Variants in MICAL2 observed in about 807,000 individuals in gnomAD.
MICAL2 encodes microtubule associated monooxygenase, calponin and LIM domain containing 2.
MICAL2 carries 77 observed loss-of-function variants against 127.3 expected under a neutral mutation model. The observed-to-expected ratio is 0.60, with a 90% CI of 0.50 to 0.73. The LOEUF is 0.73. MICAL2 is among the 30% of genes least tolerant of loss of function. The pLI, the probability that MICAL2 is intolerant of heterozygous loss-of-function variation, is 0.00. For missense variants in MICAL2, 1,351 were observed against 1,434.4 expected, an observed-to-expected ratio of 0.94 and a Z score of 0.94; for synonymous variants, 570 against 551.1, an observed-to-expected ratio of 1.03 and a Z score of -0.48.
chr11:12,207,643 G>A (rs1854879814), intron 4 of MICAL2: 2 of 168,178 alleles, frequency 1.2e-5, no homozygotes, highest in South Asian at 3.3e-4. Context: ...CAAACCCAGA[G>A]CCCAGCTGGG....
downstream of MICAL2, among the ~76,000 whole-genome samples, chr11:12,361,021 A>G (rs951899409): frequency 1.3e-5 from 2 of 152,186 alleles, no homozygotes; most frequent in African/African-American, 2.4e-5. Context: ...GTTTCTTTGT[A>G]TGCAATATGA....
chr11:12,321,658 T>C (rs2134842498), intron 30 of MICAL2, among the ~76,000 whole-genome samples: 1 of 152,324 alleles, frequency 6.6e-6, no homozygotes, highest in South Asian at 2.1e-4. Context: ...GCTGTGTGTT[T>C]ATTAATGAAG....
chr11:12,157,866 GTA>G (rs1400375950), intron 2 of MICAL2, among the ~76,000 whole-genome samples: 1 of 152,084 alleles, frequency 6.6e-6, no homozygotes, highest in East Asian at 1.9e-4. Context: ...CCTGAATTCT[GTA>G]TGTTTTCAGT....
At chr11:12,323,132 A>C (rs1470917192) in intron 30 of MICAL2, among the ~76,000 whole-genome samples, 1 of 152,192 alleles carries the variant, frequency 6.6e-6, no homozygotes, top group African/African-American at 2.4e-5. Flanking sequence ...AATTAACCAC[A>C]CCATCACTTC....
chr11:12,358,613 T>A, downstream of MICAL2: 3 of 854,270 alleles, frequency 3.5e-6, no homozygotes, highest in Non-Finnish European at 5.2e-6. Context: ...TTTTTAAAAT[T>A]AAAATTCTCT....
At chr11:12,327,879 T>C (rs1182511199) in intron 32 of MICAL2, among the ~76,000 whole-genome samples, 1 of 151,120 alleles carries the variant, frequency 6.6e-6, no homozygotes, top group Non-Finnish European at 1.5e-5. Context: ...GCAGTGTTGG[T>C]AGTAATTCAA....
intron 2 of MICAL2, among the ~76,000 whole-genome samples, chr11:12,142,348 T>C (rs1852430238): frequency 6.6e-6 from 1 of 152,216 alleles, no homozygotes; most frequent in South Asian, 2.1e-4. Context: ...TGATGTGTCT[T>C]GGGGTGAAAG....
At chr11:12,181,322 T>A (rs1857455278) in intron 3 of MICAL2, among the ~76,000 whole-genome samples, 1 of 152,244 alleles carries the variant, frequency 6.6e-6, no homozygotes, top group Non-Finnish European at 1.5e-5. Flanking sequence ...TATTTATGAA[T>A]GTCTGGTTTT....
At chr11:12,139,718 T>C (rs1257143271) in intron 2 of MICAL2, among the ~76,000 whole-genome samples, 2 of 152,168 alleles carry the variant, frequency 1.3e-5, no homozygotes, top group Admixed American at 1.3e-4. Flanking sequence ...CCTGAGAAAC[T>C]GTCCCCTCTC....
chr11:12,338,402 T>G (rs1455498313), intron 32 of MICAL2, among the ~76,000 whole-genome samples: 1 of 152,234 alleles, frequency 6.6e-6, no homozygotes, highest in African/African-American at 2.4e-5. Flanking sequence ...TCTTGACTCT[T>G]TATCCAATTT....
At chr11:12,261,514 G>T in intron 26 of MICAL2, 1 of 985,470 alleles carries the variant, frequency 1.0e-6, no homozygotes, top group Non-Finnish European at 1.2e-6. Context: ...ACAATCAAGG[G>T]GCCGCCAGAG....
At chr11:12,219,862 C>A (rs886834808) in intron 8 of MICAL2, among the ~76,000 whole-genome samples, 1 of 152,188 alleles carries the variant, frequency 6.6e-6, no homozygotes, top group African/African-American at 2.4e-5. Context: ...CTACGTGAGA[C>A]AGATCTTTTA....
chr11:12,334,952 C>A lies in MICAL2; in HGVS notation c.5515+7686C>A, dbSNP rs570808183. On this transcript the variant is annotated intron_variant, in intron 32 of 34. Transcript: ENST00000646065. ...CTTTATAGCAGCATGACTTATAATCCTTTGGGTATATACCCAGTAATGGGA... is the reference window on the plus strand; with the variant it reads ...CTTTATAGCAGCATGACTTATAATCATTTGGGTATATACCCAGTAATGGGA... 4.6e-5 allele frequency among the ~76,000 whole-genome samples: 7 copies of A among 152,212 alleles called. No homozygotes were observed. In the South Asian group the frequency reaches 1.5e-3, roughly 32 times the overall value.
chr11:12,283,343 TAAAAAAAAA>T (rs56832587), intron 2 of MICAL2, among the ~76,000 whole-genome samples: 10 of 132,586 alleles, frequency 7.5e-5, no homozygotes, highest in Non-Finnish European at 1.6e-4. Flanking sequence ...GTGTGGAGTT[TAAAAAAAAA>T]AAAAAAAAAA....
chr11:12,261,163 A>G (rs746372287), intron 26 of MICAL2: 1 of 985,508 alleles, frequency 1.0e-6, no homozygotes, highest in Non-Finnish European at 1.2e-6. Context: ...ACATCAGGCT[A>G]TTGCTGGGAA....
At chr11:12,217,468 T>C (rs943150249) in intron 8 of MICAL2, among the ~76,000 whole-genome samples, 7 of 152,140 alleles carry the variant, frequency 4.6e-5, no homozygotes, top group Admixed American at 1.3e-4. Flanking sequence ...GCTTCAGCAG[T>C]GTCCCACTGC....
chr11:12,152,568 T>C (rs920346260), intron 2 of MICAL2, among the ~76,000 whole-genome samples: 1 of 152,004 alleles, frequency 6.6e-6, no homozygotes, highest in Non-Finnish European at 1.5e-5. Flanking sequence ...CAACCTTCCC[T>C]GGGGTGTTGA....
chr11:12,349,348 G>A (rs1939008632), intron 32 of MICAL2, among the ~76,000 whole-genome samples: 1 of 152,114 alleles, frequency 6.6e-6, no homozygotes, highest in Admixed American at 6.5e-5. Flanking sequence ...CAAAATGCCA[G>A]TCAGCACTCC....
intron 3 of MICAL2, among the ~76,000 whole-genome samples, chr11:12,171,445 T>TC (rs766858279): frequency 6.6e-6 from 1 of 152,220 alleles, no homozygotes; most frequent in Non-Finnish European, 1.5e-5. Flanking sequence ...TTTGTTTTTT[T>TC]CCCACAATTA....
Sources: allele counts gnomAD v4.1 joint callset (sites outside exome capture counted in the v4.1 genomes callset), GRCh38; gene constraint gnomAD v4.1.1; transcripts MANE v1.5; gene names NCBI Gene and HGNC (gene_info 2026-07-23, HGNC 2026-07-21).